Variants in TBL1XR1 observed in about 807,000 individuals in gnomAD.
TBL1XR1 encodes TBL1X/Y related 1.
TBL1XR1 carries 5 observed loss-of-function variants against 66.9 expected under a neutral mutation model. The observed-to-expected ratio is 0.07, with a 90% CI of 0.04 to 0.16. The LOEUF (loss-of-function observed/expected upper bound fraction) is 0.16, where lower values mean the gene tolerates loss of function less well. TBL1XR1 is among the 10% of genes least tolerant of loss of function. The probability of loss-of-function intolerance (pLI) is 1.00; values close to 1 mark genes in which losing one functional copy is unlikely to be tolerated. For missense variants in TBL1XR1, 238 were observed against 623.2 expected, an observed-to-expected ratio of 0.38 and a Z score of 6.58; for synonymous variants, 210 against 206.0, an observed-to-expected ratio of 1.02 and a Z score of -0.17.
At chr3:177,131,309 G>T in intron 1 of TBL1XR1, 1 of 983,810 alleles carries the variant, frequency 1.0e-6, no homozygotes, top group Non-Finnish European at 1.2e-6. Flanking sequence ...ACCCTTAAGA[G>T]AGAGTCCAGG....
rs146878657 is a variant in TBL1XR1, at chr3:177,153,388, G to C, written c.-122+43733C>G. Among the ~76,000 whole-genome samples the C allele has an allele frequency of 1.6e-3, 248 of 152,200 alleles. 3 individuals carry two copies. The highest frequency in any genetic ancestry group is 5.4e-3 in the African/African-American group (226 of 41,528). ...GTGGAGTGCCCAAACTAGTAAATAC[G>C]CATGCACATATAAGACTTTTCATTT... On this transcript the variant is annotated intron_variant, in intron 1 of 15. Transcript: ENST00000457928.
chr3:177,033,564 A>G (rs1039906981), intron 13 of TBL1XR1, among the ~76,000 whole-genome samples: 2 of 151,482 alleles, frequency 1.3e-5, no homozygotes, highest in South Asian at 2.1e-4. Flanking sequence ...AATTGCTTGG[A>G]TTTTAATCAG....
At chr3:177,136,104 C>T (rs985082705) in intron 1 of TBL1XR1, 1 of 151,878 alleles carries the variant, frequency 6.6e-6, no homozygotes, top group African/African-American at 2.4e-5. Flanking sequence ...ATTTAGTGAG[C>T]CATATCCTTT....
intron 10 of TBL1XR1, among the ~76,000 whole-genome samples, chr3:177,044,390 G>A (rs1716031164): frequency 6.6e-6 from 1 of 152,078 alleles, no homozygotes; most frequent in Non-Finnish European, 1.5e-5. Flanking sequence ...ACTGATAACA[G>A]TTGAATAAGA....
chr3:177,196,656 T>C (rs1736895181), intron 1 of TBL1XR1, among the ~76,000 whole-genome samples: 1 of 151,942 alleles, frequency 6.6e-6, no homozygotes. Context: ...CCTTCTCCTC[T>C]GCTAAAAATA....
intron 1 of TBL1XR1, among the ~76,000 whole-genome samples, chr3:177,164,725 A>G (rs1342875757): frequency 6.6e-6 from 1 of 152,214 alleles, no homozygotes; most frequent in Non-Finnish European, 1.5e-5. Context: ...TCACGAACTG[A>G]AAGAATATTG....
Position 177,179,635 on chromosome 3 carries a change from T to C in TBL1XR1, c.-122+17486A>G, listed in dbSNP as rs548604805. ...CCCAACCTCAAAGTTGCAACTACTC[T>C]TGGGAGGGCTTCAAACCAAGACCTT... On this transcript the variant is annotated intron_variant, in intron 1 of 15. Transcript: ENST00000457928. Among the ~76,000 whole-genome samples the C allele has an allele frequency of 7.9e-5, 12 of 152,270 alleles. No individual in the cohort carries two copies. In the East Asian group the frequency reaches 2.1e-3, roughly 27 times the overall value.
At chr3:177,029,033 A>G (rs1479699750) in intron 14 of TBL1XR1, among the ~76,000 whole-genome samples, 1 of 152,152 alleles carries the variant, frequency 6.6e-6, no homozygotes, top group African/African-American at 2.4e-5. Flanking sequence ...GGCTAAAAAA[A>G]TAAATGTAAA....
intron 2 of TBL1XR1, among the ~76,000 whole-genome samples, chr3:177,082,321 T>C (rs1721495192): frequency 6.6e-6 from 1 of 152,126 alleles, no homozygotes; most frequent in African/African-American, 2.4e-5. Context: ...TAACATCAAG[T>C]AATTTCATGT....
chr3:177,172,633 A>AGAGAGAG (rs150226417), intron 1 of TBL1XR1, among the ~76,000 whole-genome samples: 19 of 117,550 alleles, frequency 1.6e-4, no homozygotes, highest in Admixed American at 8.8e-4. Context: ...AGAAAGAGAG[A>AGAGAGAG]AGAGAGAGAG....
At chr3:177,197,764 T>G (rs1369627967), upstream of TBL1XR1, among the ~76,000 whole-genome samples, 1 of 145,290 alleles carries the variant, frequency 6.9e-6, no homozygotes, top group South Asian at 2.2e-4. Flanking sequence ...CTGGCGGCAC[T>G]GGGGGCTGGG....
At position 177,038,131 on chromosome 3, in the gene TBL1XR1, G is replaced by C. The variant is rs749108767; in HGVS notation, c.1089C>G (p.Leu363=). The C allele has an allele frequency of 2.5e-5, 40 of 1,612,900 alleles. No homozygotes were observed. Among genetic ancestry groups the C allele is most frequent in the Non-Finnish European group, 3.4e-5 (40 of 1,179,806 alleles). The change falls in exon 12 of 16, where the codon CTC becomes CTG. Residue 363 remains leucine, a synonymous_variant. Coordinates refer to ENST00000457928, the MANE Select transcript of TBL1XR1 (RefSeq NM_024665.7). ...TCATGTCGTCAGAACAGGAGGCCAA[G>C]AGATTGCCAGTTGGGTCCCATTTGA... is the stretch of plus-strand genomic sequence containing the variant. The part of the protein sequence containing the change: ...NAIKWDPTGN[L]LASCSDDMTL...
chr3:177,089,944 C>CA (rs1722621834), intron 2 of TBL1XR1, among the ~76,000 whole-genome samples: 1 of 152,118 alleles, frequency 6.6e-6, no homozygotes, highest in South Asian at 2.1e-4. Flanking sequence ...ATATATGTAT[C>CA]AAAAAAGACA....
At chr3:177,030,310 T>C (rs1271642530) in intron 14 of TBL1XR1, among the ~76,000 whole-genome samples, 3 of 151,688 alleles carry the variant, frequency 2.0e-5, no homozygotes, top group Admixed American at 6.6e-5. Flanking sequence ...AATGAATATA[T>C]TAATATATTC....
At chr3:177,137,640 G>A (rs1729153862) in intron 1 of TBL1XR1, among the ~76,000 whole-genome samples, 1 of 152,082 alleles carries the variant, frequency 6.6e-6, no homozygotes, top group Non-Finnish European at 1.5e-5. Context: ...CCTTCCCAAG[G>A]CCCCACGCAA....
intron 1 of TBL1XR1, among the ~76,000 whole-genome samples, chr3:177,128,190 G>T (rs4857818): frequency 0.42 from 63,558 of 151,594 alleles, 13,510 homozygotes; most frequent in Middle Eastern, 0.48. Flanking sequence ...CTGCACTTCA[G>T]CCTGGGTGAC....
At chr3:177,152,008 G>C (rs1048558050) in intron 1 of TBL1XR1, among the ~76,000 whole-genome samples, 1 of 152,150 alleles carries the variant, frequency 6.6e-6, no homozygotes, top group Non-Finnish European at 1.5e-5. Flanking sequence ...TGGGGCACAA[G>C]AGCAAGAAAC....
chr3:177,068,986 A>C (rs1362835850), intron 2 of TBL1XR1, among the ~76,000 whole-genome samples: 1 of 152,242 alleles, frequency 6.6e-6, no homozygotes, highest in African/African-American at 2.4e-5. Flanking sequence ...GACGAACTTA[A>C]ATTACTTTTC....
At position 177,142,781 on chromosome 3, in the gene TBL1XR1, C is replaced by G. The variant is rs1180322783; in HGVS notation, c.-121-44240G>C. 3.3e-5 allele frequency among the ~76,000 whole-genome samples: 5 copies of G among 152,252 alleles called. 1 individual carries two copies. The highest frequency in any genetic ancestry group is 7.4e-5 in the Non-Finnish European group (5 of 68,026). On this transcript the variant is annotated intron_variant, in intron 1 of 15. Coordinates refer to ENST00000457928, the MANE Select transcript of TBL1XR1 (RefSeq NM_024665.7). ...GAAATACAGTCAATCCTCACCAATT[C>G]ATGGATTTCACATTTATGAATTTGC...
Sources: gnomAD v4.1 joint callset for allele counts (sites outside exome capture counted in the v4.1 genomes callset) on GRCh38, gnomAD v4.1.1 for gene constraint, MANE v1.5 for transcripts, NCBI Gene and HGNC (gene_info 2026-07-23, HGNC 2026-07-21) for gene names.